The following KCNMA1 variants were observed in gnomAD, a reference collection of about 807,000 sequenced individuals.
The protein encoded by KCNMA1 is potassium calcium-activated channel subfamily M alpha 1, also known as Calcium-activated potassium channel subunit alpha-1.
In KCNMA1, 29 loss-of-function variants were observed where a neutral mutation model predicts 140.0. That is an observed-to-expected ratio of 0.21 (90% CI 0.15 to 0.28). The LOEUF (loss-of-function observed/expected upper bound fraction) is 0.28, where lower values mean the gene tolerates loss of function less well. Ranked by LOEUF, KCNMA1 falls within the 10% of genes least tolerant of loss-of-function variation. KCNMA1 has a pLI of 1.00. For synonymous variants in KCNMA1, 612 were observed against 611.9 expected (o/e 1.00, Z 0.00); for missense variants, 880 against 1,602.2 (o/e 0.55, Z 7.70).
chr10:77,167,665 C>T (rs12780411), intron 5 of KCNMA1, among the ~76,000 whole-genome samples: 35,594 of 151,390 alleles, frequency 0.24, 5,309 homozygotes, highest in Non-Finnish European at 0.33. Context: ...TTGAAAGGCA[C>T]GCTCATTTTC....
At position 77,094,920 on chromosome 10, in the gene KCNMA1, TG is replaced by T. The variant is rs2096894747; in HGVS notation, c.1224-4411del. 5.9e-5 allele frequency among the ~76,000 whole-genome samples: 9 copies of T among 152,182 alleles called. No homozygotes were observed. The South Asian group carries it at 1.9e-3, about 32-fold the overall frequency. On this transcript the variant is annotated intron_variant, in intron 9 of 27. Coordinates refer to ENST00000286628, the MANE Select transcript of KCNMA1 (RefSeq NM_001161352.2). ...CTTGCTATGTTGCCCAGGCTGGTCA[TG>T]AACTCCCAACCTCAAGTGATCTGCT...
At chr10:77,632,280 G>A (rs1208685638) in intron 1 of KCNMA1, among the ~76,000 whole-genome samples, 2 of 152,164 alleles carry the variant, frequency 1.3e-5, no homozygotes, top group Non-Finnish European at 2.9e-5. Flanking sequence ...GGGTGTCTTG[G>A]AAAAGCTGGT....
At chr10:77,032,577 CT>C (rs1392417539) in intron 15 of KCNMA1, among the ~76,000 whole-genome samples, 1 of 151,972 alleles carries the variant, frequency 6.6e-6, no homozygotes, top group African/African-American at 2.4e-5. Context: ...GAAATGACTT[CT>C]TTTTTCAAGA....
At chr10:77,393,398 A>G (rs2095910225) in intron 2 of KCNMA1, among the ~76,000 whole-genome samples, 1 of 152,256 alleles carries the variant, frequency 6.6e-6, no homozygotes, top group Non-Finnish European at 1.5e-5. Flanking sequence ...AACAAAAATA[A>G]TAATAACCAT....
At chr10:76,895,152 G>A (rs990949066) in intron 25 of KCNMA1, among the ~76,000 whole-genome samples, 8 of 151,966 alleles carry the variant, frequency 5.3e-5, no homozygotes, top group Admixed American at 6.6e-5. Context: ...CCCTAGTCAC[G>A]TACCCCCTGC....
intron 3 of KCNMA1, among the ~76,000 whole-genome samples, chr10:77,242,355 C>T (rs563456424): frequency 1.3e-5 from 2 of 152,130 alleles, no homozygotes; most frequent in Non-Finnish European, 2.9e-5. Context: ...TTGACTTTAG[C>T]GTATACTGAA....
At position 77,449,647 on chromosome 10, in the gene KCNMA1, T is replaced by C. The variant is rs537046666; in HGVS notation, c.379-45624A>G. Among the ~76,000 whole-genome samples, 1,392 of 147,282 alleles carry C rather than the reference T, an allele frequency of 9.5e-3. 7 individuals carry two copies. Among genetic ancestry groups the C allele is most frequent in the Admixed American group, 0.015 (223 of 14,894 alleles). On this transcript the variant is annotated intron_variant, in intron 1 of 27. Coordinates refer to ENST00000286628, the MANE Select transcript of KCNMA1 (RefSeq NM_001161352.2). ...TCAATTTTTTTTTTAATTTTTAATT[T>C]TTTTTTTTTTTTTGAGACGGAGTCT...
chr10:77,453,031 G>A (rs1277311245), intron 1 of KCNMA1, among the ~76,000 whole-genome samples: 2 of 152,166 alleles, frequency 1.3e-5, no homozygotes, highest in East Asian at 1.9e-4. Context: ...AGAACCTGGT[G>A]TAAAGGCAAG....
intron 5 of KCNMA1, among the ~76,000 whole-genome samples, chr10:77,174,002 T>C (rs1370455131): frequency 6.6e-6 from 1 of 152,158 alleles, no homozygotes; most frequent in Non-Finnish European, 1.5e-5. Flanking sequence ...ATTGGCCCCC[T>C]TCCCCTCTCC....
chr10:77,288,128 T>C lies in KCNMA1; in HGVS notation c.541-36872A>G, dbSNP rs1395256224. ...GAGAAATGGGCACAGCAAATCACAC[T>C]AAACACTGAAACTCTGCTGAAGTGA... On this transcript the variant is annotated intron_variant, in intron 2 of 27. Transcript: ENST00000286628. Among the ~76,000 whole-genome samples the C allele has an allele frequency of 4.6e-5, 7 of 152,344 alleles. No homozygotes were observed. In the South Asian group the frequency reaches 1.4e-3, roughly 32 times the overall value.
chr10:77,108,307 A>G lies in KCNMA1; in HGVS notation c.1223+174T>C. 1.3e-6 allele frequency: 2 copies of G among 1,507,714 alleles called. No homozygotes were observed. Among genetic ancestry groups the G allele is most frequent in the Non-Finnish European group, 1.8e-6 (2 of 1,136,246 alleles). The allele number at this position is 1,507,714 out of a possible 1,614,324, so 93.4% of individuals were successfully genotyped here. A position where few individuals can be genotyped will look rare whatever the true frequency, so the allele number is the denominator to read the frequency against. ...TTACTTTCTGCCTCCATGTTTGTTA[A>G]AAGTCCCGCCGAATTTATTCCGACT... On this transcript the variant is annotated intron_variant, in intron 9 of 27. Coordinates refer to ENST00000286628, the MANE Select transcript of KCNMA1 (RefSeq NM_001161352.2). The surrounding 1 kb of genome is among the most constrained non-coding windows in gnomAD (Gnocchi z 4.6).
intron 1 of KCNMA1, among the ~76,000 whole-genome samples, chr10:77,555,287 A>C (rs2063980493): frequency 6.6e-6 from 1 of 152,132 alleles, no homozygotes; most frequent in Admixed American, 6.5e-5. Context: ...ATTTCTTGAA[A>C]CTTGATTTCA....
At chr10:77,432,126 T>G (rs1005494449) in intron 1 of KCNMA1, among the ~76,000 whole-genome samples, 1 of 152,172 alleles carries the variant, frequency 6.6e-6, no homozygotes, top group Non-Finnish European at 1.5e-5. Context: ...TCTACCTCTC[T>G]CCTTTCCTTT....
intron 1 of KCNMA1, among the ~76,000 whole-genome samples, chr10:77,588,886 A>T (rs2078110542): frequency 6.6e-6 from 1 of 152,182 alleles, no homozygotes; most frequent in Non-Finnish European, 1.5e-5. Context: ...CAGCAAGATA[A>T]ACGGAGTGCC....
At chr10:77,403,721 G>T (rs1004766202) in intron 2 of KCNMA1, 141 bp downstream of exon 2, 2 of 740,468 alleles carry the variant, frequency 2.7e-6, no homozygotes, top group Non-Finnish European at 4.4e-6. Flanking sequence ...CCATGACCAC[G>T]CGGGAGCACT....
chr10:76,891,741 G>A (rs1409862270), intron 25 of KCNMA1, 22 bp from the exon 26 acceptor site: 2 of 1,603,128 alleles, frequency 1.2e-6, no homozygotes, highest in South Asian at 2.2e-5. Flanking sequence ...GAGAAAGTGA[G>A]GGAAAAGTCC....
At chr10:77,238,422 A>G (rs903854693) in intron 3 of KCNMA1, among the ~76,000 whole-genome samples, 3 of 152,148 alleles carry the variant, frequency 2.0e-5, no homozygotes, top group African/African-American at 4.8e-5. Context: ...CCCACAATAC[A>G]CAAGAGAAGC....
intron 27 of KCNMA1, chr10:76,887,728 G>T: frequency 1.7e-6 from 1 of 594,322 alleles, no homozygotes; most frequent in Non-Finnish European, 3.0e-6. Flanking sequence ...CAGGAGCCCA[G>T]GCAGAGATGT....
At chr10:77,158,960 C>G (rs1253603383) in intron 5 of KCNMA1, among the ~76,000 whole-genome samples, 1 of 152,188 alleles carries the variant, frequency 6.6e-6, no homozygotes, top group Non-Finnish European at 1.5e-5. Flanking sequence ...CACCCTTCCT[C>G]CTAACAACAC....
Sources: allele counts gnomAD v4.1 joint callset (sites outside exome capture counted in the v4.1 genomes callset), GRCh38; gene constraint gnomAD v4.1.1; non-coding constraint Gnocchi (gnomAD v3.1); transcripts MANE v1.5; gene names NCBI Gene and HGNC (gene_info 2026-07-23, HGNC 2026-07-21).